Variants in CNTN3 observed in about 807,000 individuals in gnomAD.
CNTN3 encodes the protein contactin-3.
Under a neutral mutation model 119.1 loss-of-function variants are expected in CNTN3, and 60 were observed. The ratio of observed to expected loss-of-function variants is 0.50; its 90% CI spans 0.41 to 0.62. The LOEUF (loss-of-function observed/expected upper bound fraction) is 0.62, where lower values mean the gene tolerates loss of function less well. Ranked by LOEUF, CNTN3 falls within the 20% of genes least tolerant of loss-of-function variation. The pLI is 0.00. For synonymous variants in CNTN3, 450 were observed against 438.7 expected (o/e 1.03, Z -0.32); for missense variants, 1,101 against 1,242.4 (o/e 0.89, Z 1.71).
At chr3:74,548,052 A>G (rs960102418) in intron 1 of CNTN3, among the ~76,000 whole-genome samples, 4 of 152,152 alleles carry the variant, frequency 2.6e-5, no homozygotes. Context: ...TGAACCATCC[A>G]TTCACCATTA....
At chr3:74,427,511 A>G (rs1701714800) in intron 4 of CNTN3, among the ~76,000 whole-genome samples, 1 of 152,214 alleles carries the variant, frequency 6.6e-6, no homozygotes, top group South Asian at 2.1e-4. Context: ...AAAGCTTCAG[A>G]TCATTAAAAT....
intron 11 of CNTN3, among the ~76,000 whole-genome samples, chr3:74,351,392 GCTGA>G (rs1184265011): frequency 1.3e-5 from 2 of 152,094 alleles, no homozygotes. Flanking sequence ...CACCCACGAG[GCTGA>G]CTAACTCTGT....
chr3:74,378,186 C>T (rs1172895151), intron 5 of CNTN3, among the ~76,000 whole-genome samples: 1 of 152,170 alleles, frequency 6.6e-6, no homozygotes, highest in Non-Finnish European at 1.5e-5. Context: ...AATCACACCA[C>T]TTTGGTGGAA....
At chr3:74,553,121 T>C (rs964051041) in intron 1 of CNTN3, among the ~76,000 whole-genome samples, 7 of 149,730 alleles carry the variant, frequency 4.7e-5, no homozygotes, top group African/African-American at 1.5e-4. Flanking sequence ...GTGTGTGATG[T>C]TCCCCTCCAT....
intron 4 of CNTN3, among the ~76,000 whole-genome samples, chr3:74,472,376 G>A (rs1000499951): frequency 1.3e-5 from 2 of 152,128 alleles, no homozygotes; most frequent in African/African-American, 4.8e-5. Context: ...AACATAGCAA[G>A]TCCAGTGAAA....
intron 5 of CNTN3, among the ~76,000 whole-genome samples, chr3:74,395,568 T>C (rs899901928): frequency 2.6e-5 from 4 of 152,214 alleles, no homozygotes; most frequent in Admixed American, 2.6e-4. Context: ...TAGTCAACTC[T>C]GAAAAAGTTA....
chr3:74,506,914 A>G (rs1703271934), intron 2 of CNTN3, among the ~76,000 whole-genome samples: 1 of 152,130 alleles, frequency 6.6e-6, no homozygotes, highest in Admixed American at 6.5e-5. Context: ...AGATGATTTC[A>G]TTTCTATTAT....
intron 11 of CNTN3, among the ~76,000 whole-genome samples, chr3:74,342,801 C>A (rs1703579686): frequency 6.6e-6 from 1 of 152,112 alleles, no homozygotes; most frequent in Non-Finnish European, 1.5e-5. Flanking sequence ...AAGGGGATTT[C>A]CAGTCTAAAT....
chr3:74,327,442 A>C (rs1299175256), intron 13 of CNTN3, among the ~76,000 whole-genome samples: 1 of 152,106 alleles, frequency 6.6e-6, no homozygotes, highest in African/African-American at 2.4e-5. Flanking sequence ...TAATCTTTGA[A>C]TATAATGTTC....
rs576487055 is a variant in CNTN3, at chr3:74,464,272, C to CA, written c.358+22183dup. On this transcript the variant is annotated intron_variant, in intron 4 of 22. Coordinates refer to ENST00000263665, the MANE Select transcript of CNTN3 (RefSeq NM_020872.3). Reference sequence around the variant, plus strand: ...TTACAATAGCTCAAAAATACATATGCAAAAAATCATAAAATCTACATTTAT... The same window carrying CA: ...TTACAATAGCTCAAAAATACATATGCAAAAAAATCATAAAATCTACATTTAT... Among the ~76,000 whole-genome samples the CA allele has an allele frequency of 7.4e-4, 112 of 152,172 alleles. 2 individuals carry two copies. In the South Asian group the frequency reaches 0.022, roughly 30 times the overall value.
intron 1 of CNTN3, among the ~76,000 whole-genome samples, chr3:74,570,634 A>G (rs1401886521): frequency 6.6e-6 from 1 of 152,010 alleles, no homozygotes; most frequent in Non-Finnish European, 1.5e-5. Flanking sequence ...TGATTATGTT[A>G]CAGTGTGGCC....
chr3:74,477,726 TG>T (rs1334726783), intron 4 of CNTN3, among the ~76,000 whole-genome samples: 2 of 152,104 alleles, frequency 1.3e-5, no homozygotes, highest in Admixed American at 6.6e-5. Flanking sequence ...GGATAAATGC[TG>T]GGGTGGGGGA....
At chr3:74,586,414 C>G (rs914620748) in intron 1 of CNTN3, among the ~76,000 whole-genome samples, 7 of 152,048 alleles carry the variant, frequency 4.6e-5, no homozygotes, top group Non-Finnish European at 1.0e-4. Context: ...AATTAATACG[C>G]CTTCTCTGTC....
At chr3:74,294,417 G>A (rs1381610685) in intron 19 of CNTN3, among the ~76,000 whole-genome samples, 5 of 152,006 alleles carry the variant, frequency 3.3e-5, no homozygotes, top group Non-Finnish European at 7.4e-5. Flanking sequence ...AGGAACCTTT[G>A]GCAGGTGGGC....
intron 5 of CNTN3, among the ~76,000 whole-genome samples, chr3:74,420,919 T>G (rs1701606140): frequency 6.6e-6 from 1 of 152,178 alleles, no homozygotes; most frequent in Non-Finnish European, 1.5e-5. Flanking sequence ...GCCTCCTGCC[T>G]CATGTGCCAT....
At chr3:74,604,018 T>C (rs1704953353) in intron 1 of CNTN3, among the ~76,000 whole-genome samples, 1 of 152,054 alleles carries the variant, frequency 6.6e-6, no homozygotes, top group African/African-American at 2.4e-5. Context: ...ATCCATGCAG[T>C]TACAGTCAAC....
At chr3:74,270,543 G>C (rs1195824740) in intron 20 of CNTN3, among the ~76,000 whole-genome samples, 1 of 152,114 alleles carries the variant, frequency 6.6e-6, no homozygotes, top group Non-Finnish European at 1.5e-5. Context: ...CCTCAGCCTG[G>C]ACTAGCCTAA....
chr3:74,499,761 A>T lies in CNTN3; in HGVS notation c.80T>A (p.Val27Glu), dbSNP rs1559634316. The change falls in exon 3 of 23, where the codon GTA (valine) becomes GAA (glutamate). Residue 27 changes from valine to glutamate, a missense_variant. Physicochemically the swap from Val to Glu is moderately radical, Grantham distance 121. Transcript: ENST00000263665. Reference sequence around the variant, plus strand: ...GCTGTTGCTGGGTTCTTTGATAAATACAGGGCCTTGTAAGAGAAGCTCACC... The same window carrying T: ...GCTGTTGCTGGGTTCTTTGATAAATTCAGGGCCTTGTAAGAGAAGCTCACC... The part of the protein sequence containing the change: ...LGGELLLQGP[V>E]FIKEPSNSIF... 6.2e-7 allele frequency: 1 copy of T among 1,608,636 alleles called. No individual in the cohort carries two copies. Among genetic ancestry groups the T allele is most frequent in the Non-Finnish European group, 8.5e-7 (1 of 1,177,640 alleles).
chr3:74,510,545 G>A (rs1703347504), intron 2 of CNTN3, among the ~76,000 whole-genome samples: 1 of 151,966 alleles, frequency 6.6e-6, no homozygotes, highest in African/African-American at 2.4e-5. Context: ...TCCCTTTTCT[G>A]CATTTTAATG....
Sources: gnomAD v4.1 joint callset for allele counts (sites outside exome capture counted in the v4.1 genomes callset) on GRCh38, gnomAD v4.1.1 for gene constraint, MANE v1.5 for transcripts, NCBI Gene and HGNC (gene_info 2026-07-23, HGNC 2026-07-21) for gene names.